Variants in IL1RL2 observed in about 807,000 individuals in gnomAD.
IL1RL2 encodes the protein interleukin-1 receptor-like 2.
In IL1RL2, 68 loss-of-function variants were observed where a neutral mutation model predicts 66.8. The observed-to-expected ratio is 1.02, with a 90% CI of 0.84 to 1.25. IL1RL2 has a LOEUF of 1.25. Among genes scored for constraint, IL1RL2 ranks in the 50% most tolerant of loss-of-function variants. IL1RL2 has a pLI of 0.00. For synonymous variants in IL1RL2, 305 were observed against 264.6 expected, an observed-to-expected ratio of 1.15 and a Z score of -1.48; for missense variants, 729 against 709.3, an observed-to-expected ratio of 1.03 and a Z score of -0.32.
At chr2:102,213,677 C>T (rs536570396) in intron 6 of IL1RL2, among the ~76,000 whole-genome samples, 5 of 152,072 alleles carry the variant, frequency 3.3e-5, no homozygotes, top group Non-Finnish European at 7.4e-5. Context: ...CAACTCTAAA[C>T]AAGTTTATAT....
intron 11 of IL1RL2, among the ~76,000 whole-genome samples, chr2:102,237,025 C>G (rs758013943): frequency 6.6e-6 from 1 of 152,142 alleles, no homozygotes; most frequent in Non-Finnish European, 1.5e-5. Flanking sequence ...CTGACAGCCT[C>G]GACTGATGTC....
chr2:102,209,529 T>C (rs1688978690), intron 5 of IL1RL2, among the ~76,000 whole-genome samples: 1 of 151,450 alleles, frequency 6.6e-6, no homozygotes, highest in Non-Finnish European at 1.5e-5. Flanking sequence ...AAGCATTATG[T>C]TTATGTTGGA....
At chr2:102,235,553 C>T (rs771319729) in intron 11 of IL1RL2, 225 of 985,308 alleles carry the variant, frequency 2.3e-4, no homozygotes, top group Non-Finnish European at 2.7e-4. Flanking sequence ...ATGGATACAG[C>T]ACTTGGGCCC....
At chr2:102,228,544 C>T (rs1440396855) in intron 9 of IL1RL2, among the ~76,000 whole-genome samples, 1 of 152,032 alleles carries the variant, frequency 6.6e-6, no homozygotes, top group Non-Finnish European at 1.5e-5. Flanking sequence ...CATGTGTGTA[C>T]GAGGATGGAA....
intron 11 of IL1RL2, among the ~76,000 whole-genome samples, chr2:102,236,547 A>G (rs113857576): frequency 3.3e-5 from 5 of 152,222 alleles, no homozygotes; most frequent in African/African-American, 4.8e-5. Context: ...TCCACTCTTT[A>G]TTTAACATTT....
At chr2:102,233,150 T>C (rs753028660) in intron 10 of IL1RL2, 26 bp downstream of exon 10, 1 of 1,578,442 alleles carries the variant, frequency 6.3e-7, no homozygotes, top group South Asian at 1.1e-5. Flanking sequence ...GGTGTAAAAA[T>C]AACAAATAAA....
At chr2:102,210,646 C>A (rs753517589) in intron 5 of IL1RL2, among the ~76,000 whole-genome samples, 1 of 152,126 alleles carries the variant, frequency 6.6e-6, no homozygotes, top group Non-Finnish European at 1.5e-5. Flanking sequence ...ATGGCAAGGT[C>A]AAAAAAGTTA....
At chr2:102,197,282 T>C (rs1301165809) in intron 4 of IL1RL2, among the ~76,000 whole-genome samples, 1 of 152,118 alleles carries the variant, frequency 6.6e-6, no homozygotes, top group African/African-American at 2.4e-5. Context: ...GAATGGGTCT[T>C]TGCAGGTGAA....
chr2:102,216,010 C>A (rs1047387560), intron 6 of IL1RL2, among the ~76,000 whole-genome samples: 1 of 152,088 alleles, frequency 6.6e-6, no homozygotes, highest in Non-Finnish European at 1.5e-5. Context: ...CTCAAAGGAG[C>A]ACAATAATTC....
At chr2:102,219,772 A>G (rs1196887938) in intron 7 of IL1RL2, 109 bp from the exon 8 acceptor site, 3 of 1,049,088 alleles carry the variant, frequency 2.9e-6, no homozygotes, top group Non-Finnish European at 1.4e-6. Flanking sequence ...GGATAACATG[A>G]TGGCCCAAAG....
At chr2:102,209,507 C>A (rs1185605493) in intron 5 of IL1RL2, among the ~76,000 whole-genome samples, 1 of 138,710 alleles carries the variant, frequency 7.2e-6, no homozygotes, top group Non-Finnish European at 1.5e-5. Flanking sequence ...TAGGACAAAG[C>A]ATGGAAGTGT....
intron 5 of IL1RL2, among the ~76,000 whole-genome samples, chr2:102,205,568 C>T (rs1480843428): frequency 1.3e-5 from 2 of 152,140 alleles, no homozygotes; most frequent in Non-Finnish European, 2.9e-5. Flanking sequence ...CCACTCCTGG[C>T]CTATAAGGTT....
intron 11 of IL1RL2, among the ~76,000 whole-genome samples, chr2:102,237,090 T>G (rs1205942922): frequency 6.6e-6 from 1 of 152,130 alleles, no homozygotes; most frequent in Non-Finnish European, 1.5e-5. Flanking sequence ...ATCCATTTTC[T>G]AAAATTCACA....
chr2:102,202,962 C>G (rs1559537415), intron 5 of IL1RL2, among the ~76,000 whole-genome samples: 1 of 152,154 alleles, frequency 6.6e-6, no homozygotes, highest in Non-Finnish European at 1.5e-5. Flanking sequence ...TGTTCCAGAA[C>G]TTAGAGGAAA....
In IL1RL2 at chr2:102,222,703, T is replaced by A. The variant is rs572666131; in HGVS notation, c.991+2686T>A. On this transcript the variant is annotated intron_variant, in intron 8 of 11. Coordinates refer to ENST00000264257, the MANE Select transcript of IL1RL2 (RefSeq NM_003854.4). ...GGTCAGTGAGGACAGGTTGAAAACC[T>A]GTTTTCACCCAAGCAGAGCCTGCTG... 1.7e-4 allele frequency among the ~76,000 whole-genome samples: 26 copies of A among 152,310 alleles called. No individual in the cohort carries two copies. The South Asian group carries it at 4.8e-3, about 28-fold the overall frequency.
chr2:102,188,176 G>A (rs758142511), intron 2 of IL1RL2, among the ~76,000 whole-genome samples: 1 of 152,218 alleles, frequency 6.6e-6, no homozygotes, highest in African/African-American at 2.4e-5. Context: ...TCCAAGTGAA[G>A]ACTTGAGTAA....
chr2:102,224,227 A>G (rs924269322), intron 8 of IL1RL2, among the ~76,000 whole-genome samples: 1 of 152,220 alleles, frequency 6.6e-6, no homozygotes, highest in Admixed American at 6.5e-5. Flanking sequence ...TTATATACCC[A>G]AAAGAAAGGA....
intron 5 of IL1RL2, among the ~76,000 whole-genome samples, chr2:102,210,044 C>T (rs75415135): frequency 0.014 from 2,141 of 151,904 alleles, 33 homozygotes; most frequent in African/African-American, 0.038. Flanking sequence ...AAGATGAAAG[C>T]GTGAAGGAAA....
rs2104760138 is a variant in IL1RL2 at position 102,201,665 on chromosome 2, C to T, written c.599C>T (p.Thr200Ile). 1 of 1,614,098 alleles carries T rather than the reference C, an allele frequency of 6.2e-7. No homozygotes were observed. The highest frequency in any genetic ancestry group is 8.5e-7 in the Non-Finnish European group (1 of 1,179,982). The change falls in exon 5 of 12, where the codon ACA becomes ATA. Residue 200 changes from threonine (T) to isoleucine (I), a missense_variant. By Grantham distance (89) the Thr-to-Ile change is moderately conservative (BLOSUM62 -1). Transcript: ENST00000264257. ...RGNYACQAILTHSGKQYEVLN... is the reference protein window; with the variant it reads ...RGNYACQAILIHSGKQYEVLN... ...AACTACGCGTGTCAAGCCATACTGA[C>T]ACACTCAGGGAAGCAGTACGAGGTT...
Sources: allele counts gnomAD v4.1 joint callset (sites outside exome capture counted in the v4.1 genomes callset), GRCh38; gene constraint gnomAD v4.1.1; transcripts MANE v1.5; gene names NCBI Gene and HGNC (gene_info 2026-07-23, HGNC 2026-07-21).